PCDH15: variants seen among roughly 807,000 people sequenced by gnomAD.
PCDH15 encodes protocadherin-15.
PCDH15 carries 129 observed loss-of-function variants against 178.5 expected under a neutral mutation model. That is an observed-to-expected ratio of 0.72 (90% CI 0.63 to 0.84). PCDH15 has a LOEUF of 0.84. Ranked by LOEUF, PCDH15 falls within the 40% of genes least tolerant of loss-of-function variation. PCDH15 has a pLI of 0.00. For synonymous variants in PCDH15, 800 were observed against 732.0 expected (o/e 1.09, Z -1.50); for missense variants, 2,230 against 2,099.9 (o/e 1.06, Z -1.21).
chr10:53,933,781 G>A (rs1490974111), intron 25 of PCDH15, among the ~76,000 whole-genome samples: 1 of 152,138 alleles, frequency 6.6e-6, no homozygotes, highest in East Asian at 1.9e-4. Context: ...CTAGCTTACA[G>A]TCCCACCAAC....
At chr10:53,899,142 C>CGG (rs57832917) in intron 26 of PCDH15, among the ~76,000 whole-genome samples, 7,553 of 139,420 alleles carry the variant, frequency 0.054, 238 homozygotes, top group Admixed American at 0.097. Flanking sequence ...TACTTTTTTT[C>CGG]GGGGGGGGGT....
At chr10:54,290,039 A>G (rs2059292948) in intron 8 of PCDH15, among the ~76,000 whole-genome samples, 1 of 152,130 alleles carries the variant, frequency 6.6e-6, no homozygotes, top group South Asian at 2.1e-4. Context: ...TTCAGGAAAT[A>G]CAGAGAACAC....
intron 2 of PCDH15, among the ~76,000 whole-genome samples, chr10:55,150,854 G>T (rs549241943): frequency 1.3e-5 from 2 of 152,166 alleles, no homozygotes; most frequent in African/African-American, 4.8e-5. Flanking sequence ...GGAAAGCCAA[G>T]AGCTCTCAGT....
At chr10:54,216,262 C>A (rs1293366281) in intron 9 of PCDH15, among the ~76,000 whole-genome samples, 1 of 151,774 alleles carries the variant, frequency 6.6e-6, no homozygotes, top group Non-Finnish European at 1.5e-5. Flanking sequence ...TCGAGACCAG[C>A]CTGGCCAACA....
At chr10:53,996,604 A>C (rs775067914) in intron 20 of PCDH15, among the ~76,000 whole-genome samples, 1 of 152,136 alleles carries the variant, frequency 6.6e-6, no homozygotes, top group Non-Finnish European at 1.5e-5. Flanking sequence ...AAGGCTAGTA[A>C]CTTTGACTAA....
At chr10:55,534,239 A>G (rs1315472660) in intron 2 of PCDH15, among the ~76,000 whole-genome samples, 1 of 152,070 alleles carries the variant, frequency 6.6e-6, no homozygotes, top group African/African-American at 2.4e-5. Context: ...GACCTAATTA[A>G]AGTGTTTTCT....
At chr10:54,030,881 C>T (rs1590016129) in intron 18 of PCDH15, among the ~76,000 whole-genome samples, 2 of 151,856 alleles carry the variant, frequency 1.3e-5, no homozygotes, top group South Asian at 4.2e-4. Context: ...GTTTCTTTCT[C>T]GCCTATACAG....
chr10:55,378,908 T>TCTCTCACACACA (rs61280428), intron 2 of PCDH15, among the ~76,000 whole-genome samples: 8 of 148,890 alleles, frequency 5.4e-5, no homozygotes, highest in African/African-American at 2.0e-4. Context: ...TCTCTCTCTC[T>TCTCTCACACACA]CACATATGCC....
intron 13 of PCDH15, among the ~76,000 whole-genome samples, chr10:54,162,429 T>C (rs768392952): frequency 6.6e-6 from 1 of 152,258 alleles, no homozygotes; most frequent in Non-Finnish European, 1.5e-5. Flanking sequence ...AATCCAACTA[T>C]GAAAGGCTGT....
chr10:54,347,526 G>A (rs752212725), intron 5 of PCDH15, among the ~76,000 whole-genome samples: 1 of 152,042 alleles, frequency 6.6e-6, no homozygotes, highest in Non-Finnish European at 1.5e-5. Context: ...TTTTTGACTA[G>A]GATTCCTTGA....
chr10:54,506,107 G>A (rs2081142989), intron 3 of PCDH15, among the ~76,000 whole-genome samples: 1 of 152,064 alleles, frequency 6.6e-6, no homozygotes, highest in Non-Finnish European at 1.5e-5. Flanking sequence ...CAAATGCACA[G>A]TTCATGAATC....
chr10:54,709,461 A>G (rs1305206209), intron 1 of PCDH15, among the ~76,000 whole-genome samples: 1 of 151,446 alleles, frequency 6.6e-6, no homozygotes, highest in Non-Finnish European at 1.5e-5. Flanking sequence ...TATGAGGATA[A>G]TAATATCAAT....
At chr10:54,619,303 T>A (rs1028381088) in intron 2 of PCDH15, 1 of 151,984 alleles carries the variant, frequency 6.6e-6, no homozygotes, top group Non-Finnish European at 1.5e-5. Context: ...GGATAACATC[T>A]GTTAATAGAG....
rs555217176 is a variant in PCDH15, at chr10:54,394,491, G to A, written c.158-15549C>T. Among the ~76,000 whole-genome samples the A allele has an allele frequency of 1.8e-3, 279 of 152,224 alleles. 1 individual carries two copies. Among genetic ancestry groups the A allele is most frequent in the Non-Finnish European group, 2.9e-3 (199 of 68,022 alleles). On this transcript the variant is annotated intron_variant, in intron 3 of 37. Coordinates refer to ENST00000644397, the MANE Select transcript of PCDH15 (RefSeq NM_001384140.1). ...TTTATTAGGGAGTTTCAAAAGGGGA[G>A]GGAGTGTGCGAATAGGTGTGGGTCA...
At chr10:55,523,939 A>G (rs955766738) in intron 2 of PCDH15, among the ~76,000 whole-genome samples, 1 of 151,612 alleles carries the variant, frequency 6.6e-6, no homozygotes, top group Admixed American at 6.6e-5. Context: ...TCTTTTCACT[A>G]TACCCTGAAC....
At chr10:55,412,332 C>T (rs972719985) in intron 2 of PCDH15, among the ~76,000 whole-genome samples, 8 of 152,052 alleles carry the variant, frequency 5.3e-5, no homozygotes, top group African/African-American at 1.9e-4. Flanking sequence ...ACCTCTGTGG[C>T]CAATATTCTC....
intron 5 of PCDH15, among the ~76,000 whole-genome samples, chr10:54,362,639 C>G (rs1335539308): frequency 6.6e-6 from 1 of 151,926 alleles, no homozygotes; most frequent in East Asian, 1.9e-4. Context: ...TGCGTTGATC[C>G]TTATAGAGCC....
At chr10:55,016,726 T>C (rs1398525646) in intron 2 of PCDH15, among the ~76,000 whole-genome samples, 1 of 152,186 alleles carries the variant, frequency 6.6e-6, no homozygotes, top group Non-Finnish European at 1.5e-5. Flanking sequence ...TGTGGACATC[T>C]CAATATACTG....
chr10:55,082,172 T>C (rs1435301509), intron 2 of PCDH15, among the ~76,000 whole-genome samples: 1 of 152,090 alleles, frequency 6.6e-6, no homozygotes, highest in Non-Finnish European at 1.5e-5. Flanking sequence ...GACAATATGG[T>C]AAACTACAAA....
Sources: allele counts gnomAD v4.1 joint callset (sites outside exome capture counted in the v4.1 genomes callset), GRCh38; gene constraint gnomAD v4.1.1; transcripts MANE v1.5; gene names NCBI Gene and HGNC (gene_info 2026-07-23, HGNC 2026-07-21).